TMEM116: variants seen among roughly 807,000 people sequenced by gnomAD.
TMEM116 encodes transmembrane protein 116.
A neutral mutation model predicts 44.3 loss-of-function variants in TMEM116; 38 were observed. That is an observed-to-expected ratio of 0.86 (90% CI 0.66 to 1.12). The LOEUF is 1.12. TMEM116 is among the 50% of genes most tolerant of loss of function. The pLI is 0.00. For synonymous variants in TMEM116, 132 were observed against 144.8 expected, an observed-to-expected ratio of 0.91 and a Z score of 0.64; for missense variants, 354 against 401.7, an observed-to-expected ratio of 0.88 and a Z score of 1.01.
chr12:112,008,122 A>C (rs951486265), intron 1 of TMEM116, among the ~76,000 whole-genome samples: 1 of 152,186 alleles, frequency 6.6e-6, no homozygotes, highest in Non-Finnish European at 1.5e-5. Context: ...TCCAGGCTGC[A>C]GTGAGCTGTG....
At chr12:112,001,376 T>C (rs923816433) in intron 3 of TMEM116, among the ~76,000 whole-genome samples, 5 of 152,134 alleles carry the variant, frequency 3.3e-5, no homozygotes, top group Non-Finnish European at 7.3e-5. Context: ...TGCAGTGATA[T>C]GATCATAGCT....
At chr12:111,987,046 G>C (rs956749784) in intron 4 of TMEM116, among the ~76,000 whole-genome samples, 1 of 152,066 alleles carries the variant, frequency 6.6e-6, no homozygotes, top group Admixed American at 6.6e-5. Flanking sequence ...AAAATGAATT[G>C]TAACAAAATT....
At chr12:111,987,060 A>G (rs2076267130) in intron 4 of TMEM116, among the ~76,000 whole-genome samples, 1 of 152,242 alleles carries the variant, frequency 6.6e-6, no homozygotes, top group African/African-American at 2.4e-5. Flanking sequence ...CAAAATTTAT[A>G]AAACTTATGT....
At chr12:111,986,490 T>C (rs2076235880) in intron 4 of TMEM116, among the ~76,000 whole-genome samples, 1 of 151,534 alleles carries the variant, frequency 6.6e-6, no homozygotes, top group Admixed American at 6.6e-5. Flanking sequence ...GGTGCCAAGA[T>C]CATTTAATGG....
intron 3 of TMEM116, chr12:111,993,940 A>G (rs1475762324): frequency 1.2e-5 from 8 of 661,950 alleles, no homozygotes; most frequent in Admixed American, 1.8e-5. Flanking sequence ...TATCATTATG[A>G]CTGGTACTCT....
rs1415031267 is a variant in TMEM116, at chr12:111,937,189, T to C, written c.420A>G (p.Glu140=). 1 of 1,613,750 alleles carries C rather than the reference T, an allele frequency of 6.2e-7. No homozygotes were observed. Among genetic ancestry groups the C allele is most frequent in the African/African-American group, 1.3e-5 (1 of 74,916 alleles). Residue 140 remains glutamate, a synonymous_variant, in exon 7 of 11, where the codon GAA becomes GAG. Transcript: ENST00000552374. ...TPVFCLGNTS[E]CFQNFSQSHK... is the part of the protein sequence containing the mutation. ...GGCTCTGACTGAAGTTTTGGAAACA[T>C]TCACTAGTATTTCCCAGACAGAATA...
chr12:111,964,927 A>G (rs934618280), intron 4 of TMEM116, among the ~76,000 whole-genome samples: 17 of 152,048 alleles, frequency 1.1e-4, no homozygotes, highest in African/African-American at 4.1e-4. Flanking sequence ...TCCTGGACTC[A>G]AGCGATCCTC....
intron 4 of TMEM116, among the ~76,000 whole-genome samples, chr12:111,970,961 G>C (rs1392395750): frequency 6.6e-6 from 1 of 152,098 alleles, no homozygotes; most frequent in African/African-American, 2.4e-5. Context: ...TACGTACAGA[G>C]GAATAACGAT....
chr12:111,968,992 CAAAAAA>C (rs1176204219), intron 4 of TMEM116, among the ~76,000 whole-genome samples: 3 of 45,166 alleles, frequency 6.6e-5, no homozygotes, highest in Middle Eastern at 0.012. Flanking sequence ...GACTCTATCT[CAAAAAA>C]AAAAAAAAAA....
chr12:111,987,509 CAA>C (rs35466717), intron 4 of TMEM116, among the ~76,000 whole-genome samples: 41 of 91,506 alleles, frequency 4.5e-4, no homozygotes, highest in Non-Finnish European at 5.5e-4. Context: ...TGTCCCCCCT[CAA>C]AAAAAAAAAA....
At chr12:112,007,311 G>A (rs1173900455) in intron 1 of TMEM116, among the ~76,000 whole-genome samples, 1 of 152,190 alleles carries the variant, frequency 6.6e-6, no homozygotes, top group Non-Finnish European at 1.5e-5. Context: ...CTACTCGGGA[G>A]GCTGATGCAT....
chr12:111,956,185 T>G (rs1296167471), intron 4 of TMEM116, among the ~76,000 whole-genome samples: 1 of 152,216 alleles, frequency 6.6e-6, no homozygotes, highest in Admixed American at 6.5e-5. Context: ...ATGGGTTTCC[T>G]ATAAAACTCT....
chr12:111,951,906 A>T (rs1220605508), intron 4 of TMEM116, among the ~76,000 whole-genome samples: 1 of 152,150 alleles, frequency 6.6e-6, no homozygotes, highest in Non-Finnish European at 1.5e-5. Flanking sequence ...TTCAGCTTGC[A>T]CTAAGTTTTC....
At chr12:112,008,353 C>A (rs1415080009) in intron 1 of TMEM116, among the ~76,000 whole-genome samples, 1 of 151,834 alleles carries the variant, frequency 6.6e-6, no homozygotes, top group Non-Finnish European at 1.5e-5. Flanking sequence ...TGGTGGCGGG[C>A]GCCTGTAATC....
At chr12:111,967,161 G>A (rs887073865) in intron 4 of TMEM116, among the ~76,000 whole-genome samples, 2 of 152,104 alleles carry the variant, frequency 1.3e-5, no homozygotes, top group Admixed American at 6.5e-5. Flanking sequence ...ATCTGATGTA[G>A]ATTAGAATGG....
chr12:111,979,289 A>G (rs2075828752), intron 4 of TMEM116, among the ~76,000 whole-genome samples: 1 of 152,138 alleles, frequency 6.6e-6, no homozygotes. Context: ...ATATATACAC[A>G]ATAGAATATT....
chr12:111,947,563 G>A (rs1246031367), intron 4 of TMEM116, among the ~76,000 whole-genome samples: 1 of 152,126 alleles, frequency 6.6e-6, no homozygotes, highest in Non-Finnish European at 1.5e-5. Flanking sequence ...TATGGTATCA[G>A]TCATAATTCT....
At chr12:111,932,083 T>A (rs1331503737) in intron 10 of TMEM116, among the ~76,000 whole-genome samples, 46 of 152,110 alleles carry the variant, frequency 3.0e-4, no homozygotes. Flanking sequence ...TGCCCCCCCT[T>A]ATTGCCTCAT....
chr12:111,982,458 G>A (rs1268086124), intron 4 of TMEM116, among the ~76,000 whole-genome samples: 4 of 151,786 alleles, frequency 2.6e-5, no homozygotes, highest in African/African-American at 7.3e-5. Context: ...ATGCCACTAC[G>A]CCCAGCTAAT....
Sources: gnomAD v4.1 joint callset for allele counts (sites outside exome capture counted in the v4.1 genomes callset) on GRCh38, gnomAD v4.1.1 for gene constraint, MANE v1.5 for transcripts, NCBI Gene and HGNC (gene_info 2026-07-23, HGNC 2026-07-21) for gene names.